Variants in ZNF827 observed in about 807,000 individuals in gnomAD.
ZNF827 encodes the protein zinc finger protein 827.
ZNF827 carries 13 observed loss-of-function variants against 102.4 expected under a neutral mutation model. The observed-to-expected ratio is 0.13, with a 90% CI of 0.08 to 0.20. The LOEUF is 0.20. Ranked by LOEUF, ZNF827 falls within the 10% of genes least tolerant of loss-of-function variation. The probability of loss-of-function intolerance (pLI) is 1.00; values close to 1 mark genes in which losing one functional copy is unlikely to be tolerated. For missense variants in ZNF827, 1,103 were observed against 1,344.4 expected (o/e 0.82, Z 2.81); for synonymous variants, 523 against 536.2 (o/e 0.98, Z 0.34).
At chr4:145,921,193 G>A (rs570053690) in intron 1 of ZNF827, among the ~76,000 whole-genome samples, 1 of 152,302 alleles carries the variant, frequency 6.6e-6, no homozygotes, top group South Asian at 2.1e-4. Flanking sequence ...CCAAGAAAAG[G>A]AGGTATAAGT....
At chr4:145,835,039 T>G (rs545376748) in intron 7 of ZNF827, 2 of 152,202 alleles carry the variant, frequency 1.3e-5, no homozygotes, top group African/African-American at 4.8e-5. Context: ...ATCTGGCCAC[T>G]GGGCCAAGGA....
At chr4:145,891,026 C>G (rs1750553254) in intron 3 of ZNF827, among the ~76,000 whole-genome samples, 1 of 152,182 alleles carries the variant, frequency 6.6e-6, no homozygotes, top group African/African-American at 2.4e-5. Flanking sequence ...GATTAGACTG[C>G]AAGATTTCCA....
chr4:145,919,639 TG>T, intron 1 of ZNF827, among the ~76,000 whole-genome samples: 1 of 152,192 alleles, frequency 6.6e-6, no homozygotes, highest in Non-Finnish European at 1.5e-5. Context: ...ACCAGAAATA[TG>T]AAGAATGCTC....
intron 8 of ZNF827, among the ~76,000 whole-genome samples, chr4:145,807,788 A>AAAAAC (rs1741614823): frequency 6.7e-6 from 1 of 149,518 alleles, no homozygotes; most frequent in African/African-American, 2.5e-5. Context: ...AAAAAAAAAC[A>AAAAAC]AAAAACAAAA....
At chr4:145,827,081 G>A (rs1743760609) in intron 7 of ZNF827, among the ~76,000 whole-genome samples, 1 of 152,184 alleles carries the variant, frequency 6.6e-6, no homozygotes, top group African/African-American at 2.4e-5. Context: ...TTCCCTGTGT[G>A]GATAAGGAGG....
At chr4:145,781,370 C>T (rs1441652264) in intron 8 of ZNF827, among the ~76,000 whole-genome samples, 1 of 151,972 alleles carries the variant, frequency 6.6e-6, no homozygotes, top group Non-Finnish European at 1.5e-5. Context: ...GATCAATTTT[C>T]ACTGGAATGA....
At chr4:145,816,239 T>C (rs570062651) in intron 8 of ZNF827, among the ~76,000 whole-genome samples, 1 of 152,298 alleles carries the variant, frequency 6.6e-6, no homozygotes, top group East Asian at 1.9e-4. Context: ...AAAGTGTTGA[T>C]AATTATTTTT....
intron 1 of ZNF827, among the ~76,000 whole-genome samples, chr4:145,937,873 C>T (rs974286337): frequency 7.3e-5 from 11 of 150,848 alleles, no homozygotes; most frequent in Non-Finnish European, 1.5e-4. Context: ...CACCCCCAAA[C>T]GCCATGTCAC....
At chr4:145,775,985 G>A (rs1737017020) in intron 9 of ZNF827, 25 bp from the exon 10 acceptor site, 5 of 1,613,628 alleles carry the variant, frequency 3.1e-6, no homozygotes, top group African/African-American at 2.7e-5. Context: ...ACAGGAAAAA[G>A]CCCAAATCGC....
chr4:145,777,536 G>A (rs1384347222), intron 9 of ZNF827, among the ~76,000 whole-genome samples: 1 of 152,096 alleles, frequency 6.6e-6, no homozygotes, highest in Non-Finnish European at 1.5e-5. Flanking sequence ...CTGTTTAAAT[G>A]ATCTATGTCA....
intron 7 of ZNF827, among the ~76,000 whole-genome samples, chr4:145,827,169 T>C (rs1743770719): frequency 6.6e-6 from 1 of 151,900 alleles, no homozygotes; most frequent in South Asian, 2.1e-4. Context: ...TGCCCATGAG[T>C]TGAGCATGAT....
At chr4:145,808,927 A>G (rs1419587825) in intron 8 of ZNF827, among the ~76,000 whole-genome samples, 3 of 152,130 alleles carry the variant, frequency 2.0e-5, no homozygotes, top group African/African-American at 7.2e-5. Context: ...CAGCCTCCCA[A>G]GTAGCTGGGA....
intron 8 of ZNF827, among the ~76,000 whole-genome samples, chr4:145,818,298 C>T (rs1402348092): frequency 6.6e-6 from 1 of 152,208 alleles, no homozygotes; most frequent in African/African-American, 2.4e-5. Flanking sequence ...GTCTGAATTC[C>T]TGTGCTGCCC....
At chr4:145,801,559 G>A (rs1740903858) in intron 8 of ZNF827, among the ~76,000 whole-genome samples, 4 of 152,228 alleles carry the variant, frequency 2.6e-5, no homozygotes, top group Admixed American at 2.0e-4. Flanking sequence ...CATCAGGCCC[G>A]TCACCTGTCC....
intron 9 of ZNF827, 121 bp downstream of exon 9, chr4:145,779,253 A>C (rs2126972308): frequency 7.5e-7 from 1 of 1,326,642 alleles, no homozygotes; most frequent in African/African-American, 1.5e-5. Flanking sequence ...AAATGGCTTG[A>C]AAAGGTCAGC....
At chr4:145,870,174 T>C (rs1374897210) in intron 5 of ZNF827, 71 bp downstream of exon 5, 16 of 1,458,396 alleles carry the variant, frequency 1.1e-5, no homozygotes, top group Non-Finnish European at 1.3e-5. Context: ...TTATAACCCA[T>C]GCAGGAAGCA....
intron 11 of ZNF827, among the ~76,000 whole-genome samples, chr4:145,773,716 A>C (rs1255299917): frequency 6.6e-6 from 1 of 152,226 alleles, no homozygotes; most frequent in Non-Finnish European, 1.5e-5. Flanking sequence ...ACAGGCGAGC[A>C]CTGGTGAAGC....
At chr4:145,781,479 C>T (rs1367132962) in intron 8 of ZNF827, among the ~76,000 whole-genome samples, 1 of 152,108 alleles carries the variant, frequency 6.6e-6, no homozygotes, top group Non-Finnish European at 1.5e-5. Flanking sequence ...CTGTGAGGCA[C>T]CTGCCAGCAA....
intron 2 of ZNF827, among the ~76,000 whole-genome samples, chr4:145,900,503 G>A (rs559618436): frequency 1.1e-3 from 160 of 151,914 alleles, no homozygotes; most frequent in Admixed American, 1.6e-3. Context: ...TCTGCCTCCC[G>A]GGTTCAAGCA....
Sources: allele counts gnomAD v4.1 joint callset (sites outside exome capture counted in the v4.1 genomes callset), GRCh38; gene constraint gnomAD v4.1.1; transcripts MANE v1.5; gene names NCBI Gene and HGNC (gene_info 2026-07-23, HGNC 2026-07-21).